GALNTL6: variants seen among roughly 807,000 people sequenced by gnomAD.
GALNTL6 encodes polypeptide N-acetylgalactosaminyltransferase-like 6.
Under a neutral mutation model 73.7 loss-of-function variants are expected in GALNTL6, and 46 were observed. The observed-to-expected ratio is 0.62, with a 90% CI of 0.49 to 0.80. The LOEUF is 0.80. Among genes scored for constraint, GALNTL6 ranks in the 30% least tolerant of loss-of-function variants. The probability of loss-of-function intolerance (pLI) is 0.00; values close to 1 mark genes in which losing one functional copy is unlikely to be tolerated. For synonymous variants in GALNTL6, 259 were observed against 263.7 expected (o/e 0.98, Z 0.17); for missense variants, 604 against 755.0 (o/e 0.80, Z 2.34).
At chr4:173,014,922 G>A (rs955448319) in intron 11 of GALNTL6, among the ~76,000 whole-genome samples, 4 of 152,106 alleles carry the variant, frequency 2.6e-5, no homozygotes, top group Non-Finnish European at 5.9e-5. Flanking sequence ...ATTGTAGTTC[G>A]CATAATCCCC....
chr4:172,453,494 A>T (rs181490593), intron 5 of GALNTL6, among the ~76,000 whole-genome samples: 1 of 152,336 alleles, frequency 6.6e-6, no homozygotes, highest in Non-Finnish European at 1.5e-5. Context: ...TACTAATTAC[A>T]TGAGTTTTAA....
intron 2 of GALNTL6, among the ~76,000 whole-genome samples, chr4:171,970,845 T>A (rs1011165262): frequency 6.6e-6 from 1 of 152,198 alleles, no homozygotes; most frequent in African/African-American, 2.4e-5. Context: ...AATAACTTAT[T>A]TTAAAAAAAG....
intron 12 of GALNTL6, among the ~76,000 whole-genome samples, chr4:173,028,121 A>G (rs896661189): frequency 6.6e-6 from 1 of 152,216 alleles, no homozygotes; most frequent in Non-Finnish European, 1.5e-5. Context: ...AAAACCAAAC[A>G]AATCTCAGGA....
At position 172,769,400 on chromosome 4, in the gene GALNTL6, A is replaced by G. The variant is rs79016465; in HGVS notation, c.554-39961A>G. Among the ~76,000 whole-genome samples, 156 of 152,312 alleles carry G rather than the reference A, an allele frequency of 1.0e-3. 3 individuals carry two copies. The East Asian group carries it at 0.026, about 26-fold the overall frequency. On this transcript the variant is annotated intron_variant, in intron 5 of 12. Coordinates refer to ENST00000506823, the MANE Select transcript of GALNTL6 (RefSeq NM_001034845.3). ...CAAGAGGACTTGGCAATTGCAAAAT[A>G]TAGAATACAAGGGAGAGGGAGAACT... is the stretch of plus-strand genomic sequence containing the variant.
chr4:172,136,273 A>G (rs1733633748), intron 2 of GALNTL6, among the ~76,000 whole-genome samples: 1 of 152,116 alleles, frequency 6.6e-6, no homozygotes, highest in African/African-American at 2.4e-5. Context: ...ACTTTGTAAA[A>G]TTGGATTAAA....
At chr4:172,727,308 C>A (rs968716040) in intron 5 of GALNTL6, among the ~76,000 whole-genome samples, 1 of 152,198 alleles carries the variant, frequency 6.6e-6, no homozygotes, top group African/African-American at 2.4e-5. Flanking sequence ...CACCACACAA[C>A]TTTCTCCCAT....
chr4:172,856,947 G>A (rs1323132024), intron 7 of GALNTL6, among the ~76,000 whole-genome samples: 4 of 152,172 alleles, frequency 2.6e-5, no homozygotes, highest in African/African-American at 4.8e-5. Context: ...GGAAGGATGT[G>A]GGTTGCAGCA....
At chr4:172,073,793 A>G (rs1343420470) in intron 2 of GALNTL6, among the ~76,000 whole-genome samples, 1 of 152,218 alleles carries the variant, frequency 6.6e-6, no homozygotes, top group African/African-American at 2.4e-5. Flanking sequence ...GTGTGTAAAG[A>G]GTACTGCAAT....
At chr4:172,027,572 G>A (rs1046420315) in intron 2 of GALNTL6, among the ~76,000 whole-genome samples, 3 of 151,916 alleles carry the variant, frequency 2.0e-5, no homozygotes, top group African/African-American at 7.3e-5. Context: ...CAACGATACT[G>A]AAATTAGTCC....
chr4:172,829,396 G>T (rs1742498538), intron 7 of GALNTL6, among the ~76,000 whole-genome samples: 1 of 152,098 alleles, frequency 6.6e-6, no homozygotes, highest in African/African-American at 2.4e-5. Context: ...CCCATCCTTT[G>T]GCACCTCATT....
intron 5 of GALNTL6, among the ~76,000 whole-genome samples, chr4:172,357,638 C>T (rs1340964530): frequency 0.079 from 828 of 10,418 alleles, 5 homozygotes; most frequent in South Asian, 0.23. Flanking sequence ...GATATATACA[C>T]ACACACACAC....
chr4:172,779,251 A>T (rs766060455), intron 5 of GALNTL6, among the ~76,000 whole-genome samples: 3 of 152,198 alleles, frequency 2.0e-5, no homozygotes. Flanking sequence ...CAGAGGTGTC[A>T]TGTGCAAGAG....
At chr4:172,239,908 A>C (rs373560413) in intron 3 of GALNTL6, among the ~76,000 whole-genome samples, 10 of 152,318 alleles carry the variant, frequency 6.6e-5, no homozygotes, top group East Asian at 3.9e-4. Context: ...CTGTCTTATA[A>C]GGTTTCTGCT....
intron 5 of GALNTL6, among the ~76,000 whole-genome samples, chr4:172,609,838 T>C (rs1448149634): frequency 6.6e-6 from 1 of 151,734 alleles, no homozygotes; most frequent in Non-Finnish European, 1.5e-5. Flanking sequence ...TTTTTTTTGG[T>C]TGTAGAATAT....
chr4:172,639,432 A>G (rs1261437739), intron 5 of GALNTL6, among the ~76,000 whole-genome samples: 1 of 152,008 alleles, frequency 6.6e-6, no homozygotes, highest in Non-Finnish European at 1.5e-5. Context: ...GTTTCACTGT[A>G]TTTCTCGTTA....
At chr4:172,745,446 T>TATATATATATATATATATATATATACAC (rs34523518) in intron 5 of GALNTL6, among the ~76,000 whole-genome samples, 1 of 145,244 alleles carries the variant, frequency 6.9e-6, no homozygotes, top group Non-Finnish European at 1.5e-5. Context: ...TATATATATG[T>TATATATATATATATATATATATATACAC]ACACATAACT....
At chr4:172,638,719 A>C (rs1739814740) in intron 5 of GALNTL6, among the ~76,000 whole-genome samples, 1 of 152,178 alleles carries the variant, frequency 6.6e-6, no homozygotes. Context: ...CCATTGACAA[A>C]AATAAACCTT....
chr4:172,715,556 T>G (rs1735024461), intron 5 of GALNTL6, among the ~76,000 whole-genome samples: 1 of 152,216 alleles, frequency 6.6e-6, no homozygotes, highest in Non-Finnish European at 1.5e-5. Flanking sequence ...TGCTAGTATT[T>G]ATAAATAACC....
chr4:171,849,084 A>G (rs558864234), intron 2 of GALNTL6, among the ~76,000 whole-genome samples: 4 of 152,344 alleles, frequency 2.6e-5, no homozygotes, highest in African/African-American at 9.6e-5. Context: ...GCCAACTGGC[A>G]CAAGAGACCC....
Sources: allele counts gnomAD v4.1 joint callset (sites outside exome capture counted in the v4.1 genomes callset), GRCh38; gene constraint gnomAD v4.1.1; transcripts MANE v1.5; gene names NCBI Gene and HGNC (gene_info 2026-07-23, HGNC 2026-07-21).